Variants in TAGAP observed in about 807,000 individuals in gnomAD.
TAGAP encodes the protein T cell activation RhoGTPase activating protein.
Under a neutral mutation model 36.0 loss-of-function variants are expected in TAGAP, and 16 were observed. That is an observed-to-expected ratio of 0.44 (90% confidence interval 0.30 to 0.68). The LOEUF is 0.68. Among genes scored for constraint, TAGAP ranks in the 30% least tolerant of loss-of-function variants. The pLI is 0.09. For missense variants in TAGAP, 794 were observed against 921.5 expected (o/e 0.86, Z 1.79); for synonymous variants, 372 against 377.4 (o/e 0.99, Z 0.17).
At position 159,040,784 on chromosome 6, in the gene TAGAP, C is replaced by T. The variant is rs1368425127; in HGVS notation, c.526G>A (p.Glu176Lys). The T allele has an allele frequency of 6.2e-7, 1 of 1,614,162 alleles. No homozygotes were observed. The highest frequency in any genetic ancestry group is 2.2e-5 in the East Asian group (1 of 44,892). ...ATCTCCAGAGCACCCATCCACTCCT[C>T]AAAGAGGTCGCTTGAAAGTAGCTTC... ...PRKLLSSDLF[E>K]EWMGALEMQD... Residue 176 changes from glutamate to lysine, a missense_variant, in exon 7 of 10, where the codon GAG becomes AAG. Transcript: ENST00000367066.
At chr6:159,040,588 A>C in intron 7 of TAGAP, 135 bp downstream of exon 7, 1 of 671,032 alleles carries the variant, frequency 1.5e-6, no homozygotes, top group Non-Finnish European at 2.5e-6. Context: ...GGAGTGGACG[A>C]GCAATTCCAC....
In TAGAP at chr6:159,035,780, C is replaced by A. The variant is rs1396413266; in HGVS notation, c.*47G>T. 1 of 1,528,674 alleles carries A rather than the reference C, an allele frequency of 6.5e-7. No individual in the cohort carries two copies. The highest frequency in any genetic ancestry group is 8.8e-7 in the Non-Finnish European group (1 of 1,131,544). The allele number at this position is 1,528,674 out of a possible 1,614,324, so 94.7% of individuals were successfully genotyped here. A position where few individuals can be genotyped will look rare whatever the true frequency, so the allele number is the denominator to read the frequency against. On this transcript the variant is annotated 3_prime_UTR_variant, in exon 10 of 10. Coordinates refer to ENST00000367066, the MANE Select transcript of TAGAP (RefSeq NM_054114.5). ...TCTACAGGCAGTTCTTTACAAGTCTCATATTTACAGATAGCACAAGCTATG... is the reference window on the plus strand; with the variant it reads ...TCTACAGGCAGTTCTTTACAAGTCTAATATTTACAGATAGCACAAGCTATG...
In TAGAP at chr6:159,038,750, A is replaced by G. The variant is rs181495776; in HGVS notation, c.783+364T>C. Reference sequence around the variant, plus strand: ...TGAGACATGCATTTTAAATTTAAGAACTTAAAAAAATTTAAAGTATTAATA... The same window carrying G: ...TGAGACATGCATTTTAAATTTAAGAGCTTAAAAAAATTTAAAGTATTAATA... On this transcript the variant is annotated intron_variant, in intron 8 of 9. Transcript: ENST00000367066. Among the ~76,000 whole-genome samples, 199 of 152,272 alleles carry G rather than the reference A, an allele frequency of 1.3e-3. 1 individual carries two copies. The highest frequency in any genetic ancestry group is 2.6e-3 in the Non-Finnish European group (175 of 68,024).
In TAGAP at chr6:159,043,633, A is replaced by G. The variant is rs1418867423; in HGVS notation, c.104T>C (p.Leu35Pro). The G allele has an allele frequency of 6.2e-7, 1 of 1,614,006 alleles. No homozygotes were observed. Among genetic ancestry groups the G allele is most frequent in the Non-Finnish European group, 8.5e-7 (1 of 1,179,974 alleles). ...QSEGDIKEHP[L>P]LASCESEDSI... The stretch of plus-strand genomic sequence containing the variant: ...GTCTTCACTCTCACATGATGCCAAC[A>G]GGGGATGTTCCTTGATATCACCCTA... The change falls in exon 4 of 10, where the codon CTG becomes CCG. Residue 35 changes from leucine to proline, a missense_variant. Leu to Pro is a moderately conservative substitution (Grantham distance 98). Transcript: ENST00000367066.
In TAGAP at chr6:159,040,793, C is replaced by T. The variant is rs373518592; in HGVS notation, c.517G>A (p.Asp173Asn). Residue 173 changes from aspartate (D) to asparagine (N), a missense_variant, in exon 7 of 10, where the codon GAC becomes AAC. Coordinates refer to ENST00000367066, the MANE Select transcript of TAGAP (RefSeq NM_054114.5). ...GCACCCATCCACTCCTCAAAGAGGT[C>T]GCTTGAAAGTAGCTTCCGGGGGATA... ...RSIPRKLLSSDLFEEWMGALE... is the reference protein window; with the variant it reads ...RSIPRKLLSSNLFEEWMGALE... 58 of 1,614,004 alleles carry T rather than the reference C, an allele frequency of 3.6e-5. No homozygotes were observed. Among genetic ancestry groups the T allele is most frequent in the African/African-American group, 2.3e-4 (17 of 74,902 alleles).
rs1294274943 is a variant in TAGAP at position 159,034,586 on chromosome 6, C to T, written c.*1241G>A. The T allele has an allele frequency of 6.6e-6, 1 of 152,098 alleles. No homozygotes were observed. Among genetic ancestry groups the T allele is most frequent in the Non-Finnish European group, 1.5e-5 (1 of 68,016 alleles). 9.4% of individuals were successfully genotyped at this position (152,098 alleles called of 1,614,324 possible). On this transcript the variant is annotated 3_prime_UTR_variant, in exon 10 of 10. Coordinates refer to ENST00000367066, the MANE Select transcript of TAGAP (RefSeq NM_054114.5). ...ATATCTTAATAATCGAACAGTAAAG[C>T]TCTAATACAGTACAAACATTTTACC...
Position 159,035,206 on chromosome 6 carries a change from G to A in TAGAP, c.*621C>T, listed in dbSNP as rs903727780. 12 of 152,300 alleles carry A rather than the reference G, an allele frequency of 7.9e-5. No homozygotes were observed. The highest frequency in any genetic ancestry group is 2.1e-4 in the South Asian group (1 of 4,824). 9.4% of individuals were successfully genotyped at this position (152,300 alleles called of 1,614,324 possible). On this transcript the variant is annotated 3_prime_UTR_variant, in exon 10 of 10. Coordinates refer to ENST00000367066, the MANE Select transcript of TAGAP (RefSeq NM_054114.5). Reference sequence around the variant, plus strand: ...TTTAATTGGATGATTGAAAGGACACGTTGAAGTGTTTTTCATGATTTTTGC... The same window carrying A: ...TTTAATTGGATGATTGAAAGGACACATTGAAGTGTTTTTCATGATTTTTGC...
rs1319815261 is a variant in TAGAP, at chr6:159,035,911, A to T, written c.2112T>A (p.Asn704Lys). ...ATCGTCGCACGAGACAGTCCCGCTT[A>T]TTCCTCTGCACGGACTCGGAGACGG... ...LRTVSESVQRNKRDCLVRRCS... is the reference protein window; with the variant it reads ...LRTVSESVQRKKRDCLVRRCS... The change falls in exon 10 of 10, where the codon AAT becomes AAA. Residue 704 changes from asparagine to lysine, a missense_variant. By Grantham distance (94) the Asn-to-Lys change is moderately conservative (BLOSUM62 0). Coordinates refer to ENST00000367066, the MANE Select transcript of TAGAP (RefSeq NM_054114.5). The T allele has an allele frequency of 3.1e-6, 5 of 1,613,996 alleles. No individual in the cohort carries two copies. Among genetic ancestry groups the T allele is most frequent in the Non-Finnish European group, 4.2e-6 (5 of 1,179,976 alleles).
rs1779477310 is a variant in TAGAP at position 159,034,904 on chromosome 6, T to G, written c.*923A>C. ...AGTGAATATATATTTAATAAATGCTTGTTGAGTGAACCAATATGTGAATGA... is the reference window on the plus strand; with the variant it reads ...AGTGAATATATATTTAATAAATGCTGGTTGAGTGAACCAATATGTGAATGA... On this transcript the variant is annotated 3_prime_UTR_variant, in exon 10 of 10. Transcript: ENST00000367066. The G allele has an allele frequency of 6.6e-6, 1 of 152,374 alleles. No homozygotes were observed. The highest frequency in any genetic ancestry group is 2.1e-4 in the South Asian group (1 of 4,832). 9.4% of individuals were successfully genotyped at this position (152,374 alleles called of 1,614,324 possible).
At position 159,041,089 on chromosome 6, in the gene TAGAP, C is replaced by G. The variant is rs1056619640; in HGVS notation, c.478-257G>C. 1 of 584,754 alleles carries G rather than the reference C, an allele frequency of 1.7e-6. No homozygotes were observed. The highest frequency in any genetic ancestry group is 3.0e-6 in the Non-Finnish European group (1 of 335,580). 36.2% of individuals were successfully genotyped at this position (584,754 alleles called of 1,614,324 possible). A position where few individuals can be genotyped will look rare whatever the true frequency, so the allele number is the denominator to read the frequency against. On this transcript the variant is annotated intron_variant, in intron 6 of 9. Transcript: ENST00000367066. The surrounding 1 kb of genome is among the most constrained non-coding windows in gnomAD (Gnocchi z 4.1). ...GTTCTGAGGGGCCACTGGATTTTGACGTATGGATTCTGCCACGGAACAATC... is the reference window on the plus strand; with the variant it reads ...GTTCTGAGGGGCCACTGGATTTTGAGGTATGGATTCTGCCACGGAACAATC...
rs35767483 is a variant in TAGAP, at chr6:159,041,778, TC to T, written c.316-264del. On this transcript the variant is annotated intron_variant, in intron 5 of 9. Coordinates refer to ENST00000367066, the MANE Select transcript of TAGAP (RefSeq NM_054114.5). This position sits in a 1 kb window ranked among gnomAD's most constrained non-coding sequence, Gnocchi z 4.1. Reference sequence around the variant, plus strand: ...CAGATCACAAAGTCTATATTCTGTTTCCCCCTTTTGACTTTTCAGAAGCTAC... The same window carrying T: ...CAGATCACAAAGTCTATATTCTGTTTCCCCTTTTGACTTTTCAGAAGCTAC... 1.9e-6 allele frequency: 1 copy of T among 537,698 alleles called. No individual in the cohort carries two copies. The highest frequency in any genetic ancestry group is 3.2e-6 in the Non-Finnish European group (1 of 308,848). The allele number at this position is 537,698 out of a possible 1,614,324, so 33.3% of individuals were successfully genotyped here.
Position 159,040,869 on chromosome 6 carries a change from T to C in TAGAP, c.478-37A>G, listed in dbSNP as rs1163976117. 4.7e-6 allele frequency: 7 copies of C among 1,502,798 alleles called. No homozygotes were observed. In the Admixed American group the frequency reaches 5.0e-5, roughly 11 times the overall value. 93.1% of individuals were successfully genotyped at this position (1,502,798 alleles called of 1,614,324 possible). On this transcript the variant is annotated intron_variant, in intron 6 of 9. Coordinates refer to ENST00000367066, the MANE Select transcript of TAGAP (RefSeq NM_054114.5). ...GAGTGGGCTGTTGGCCTATTGGTAC[T>C]GTATGATGTCCCATGTCCTTGTTTT...
At position 159,035,959 on chromosome 6, in the gene TAGAP, T is replaced by A; in HGVS notation, c.2064A>T (p.Arg688Ser). 6.2e-7 allele frequency: 1 copy of A among 1,614,046 alleles called. No homozygotes were observed. Among genetic ancestry groups the A allele is most frequent in the Non-Finnish European group, 8.5e-7 (1 of 1,179,980 alleles). ...DSLGHVSGPG[R>S]PELLPLRTVS... ...CGGTCCTCAGCGGGAGGAGCTCAGG[T>A]CTCCCTGGGCCAGACACGTGCCCCA... The change falls in exon 10 of 10, where the codon AGA (arginine) becomes AGT (serine). Residue 688 changes from arginine to serine, a missense_variant. Physicochemically the swap from Arg to Ser is moderately radical, Grantham distance 110. Transcript: ENST00000367066.
chr6:159,043,437 T>C, intron 4 of TAGAP, 152 bp downstream of exon 4: 2 of 696,714 alleles, frequency 2.9e-6, no homozygotes, highest in Non-Finnish European at 5.1e-6. Flanking sequence ...AGTTGGAGCA[T>C]ACCTGCCATT....
chr6:159,038,264 ACTTTT>A (rs755484750), intron 8 of TAGAP, 36 bp from the exon 9 acceptor site: 34 of 825,238 alleles, frequency 4.1e-5, no homozygotes, highest in East Asian at 6.2e-5. Flanking sequence ...CAGCTTGAAG[ACTTTT>A]TTTTTTTTTT....
rs1469167776 is a variant in TAGAP at position 159,042,231 on chromosome 6, T to C, written c.162A>G (p.Arg54=). 1.2e-6 allele frequency: 2 copies of C among 1,611,660 alleles called. No individual in the cohort carries two copies. Among genetic ancestry groups the C allele is most frequent in the African/African-American group, 2.7e-5 (2 of 74,702 alleles). Residue 54 remains arginine (R), a synonymous_variant, in exon 5 of 10, where the codon AGA becomes AGG. Coordinates refer to ENST00000367066, the MANE Select transcript of TAGAP (RefSeq NM_054114.5). ...GAAAGGGCCAGGACAGCACCTTCTTTCTCTTCTTAACTTCTACAGCCAAGA... is the reference window on the plus strand; with the variant it reads ...GAAAGGGCCAGGACAGCACCTTCTTCCTCTTCTTAACTTCTACAGCCAAGA... The part of the protein sequence containing the change: ...SICQLIEVKK[R]KKVLSWPFLM...
intron 8 of TAGAP, 37 bp from the exon 9 acceptor site, chr6:159,038,265 C>G (rs928904092): frequency 8.5e-5 from 39 of 459,832 alleles, no homozygotes; most frequent in Middle Eastern, 1.3e-3. Context: ...AGCTTGAAGA[C>G]TTTTTTTTTT....
rs1779728528 is a variant in TAGAP, at chr6:159,041,031, G to A, written c.478-199C>T. ...CCTCTCTGCAACTTTCTAACATCAG[G>A]CAGAGTCAGAGGCACCATCCCCAGG... On this transcript the variant is annotated intron_variant, in intron 6 of 9. Coordinates refer to ENST00000367066, the MANE Select transcript of TAGAP (RefSeq NM_054114.5). This position sits in a 1 kb window ranked among gnomAD's most constrained non-coding sequence, Gnocchi z 4.1. 1.7e-6 allele frequency: 1 copy of A among 587,210 alleles called. No individual in the cohort carries two copies. Among genetic ancestry groups the A allele is most frequent in the Admixed American group, 3.1e-5 (1 of 32,462 alleles). 36.4% of individuals were successfully genotyped at this position (587,210 alleles called of 1,614,324 possible). A position where few individuals can be genotyped will look rare whatever the true frequency, so the allele number is the denominator to read the frequency against.
chr6:159,041,766 CTA>C lies in TAGAP; in HGVS notation c.316-253_316-252del. 1.8e-6 allele frequency: 1 copy of C among 547,796 alleles called. No individual in the cohort carries two copies. The highest frequency in any genetic ancestry group is 1.9e-5 in the African/African-American group (1 of 52,834). The allele number at this position is 547,796 out of a possible 1,614,324, so 33.9% of individuals were successfully genotyped here. A position where few individuals can be genotyped will look rare whatever the true frequency, so the allele number is the denominator to read the frequency against. ...AACATTGGATTTCAGATCACAAAGTCTATATTCTGTTTCCCCCTTTTGACTTT... is the reference window on the plus strand; with the variant it reads ...AACATTGGATTTCAGATCACAAAGTCTATTCTGTTTCCCCCTTTTGACTTT... On this transcript the variant is annotated intron_variant, in intron 5 of 9. Transcript: ENST00000367066. This position sits in a 1 kb window ranked among gnomAD's most constrained non-coding sequence, Gnocchi z 4.1.
Sources: allele counts gnomAD v4.1 joint callset (sites outside exome capture counted in the v4.1 genomes callset), GRCh38; gene constraint gnomAD v4.1.1; non-coding constraint Gnocchi (gnomAD v3.1); transcripts MANE v1.5; gene names NCBI Gene and HGNC (gene_info 2026-07-23, HGNC 2026-07-21).